Variants in SEL1L2 observed in about 807,000 individuals in gnomAD.
The protein encoded by SEL1L2 is SEL1L2 adaptor subunit of SYVN1 ubiquitin ligase.
A neutral mutation model predicts 98.8 loss-of-function variants in SEL1L2; 89 were observed. The ratio of observed to expected loss-of-function variants is 0.90; its 90% CI spans 0.76 to 1.07. SEL1L2 has a LOEUF of 1.07. SEL1L2 is among the 50% of genes least tolerant of loss of function. The pLI, the probability that SEL1L2 is intolerant of heterozygous loss-of-function variation, is 0.00. For synonymous variants in SEL1L2, 262 were observed against 278.5 expected, an observed-to-expected ratio of 0.94 and a Z score of 0.59; for missense variants, 788 against 812.0, an observed-to-expected ratio of 0.97 and a Z score of 0.36.
intron 1 of SEL1L2, among the ~76,000 whole-genome samples, chr20:13,968,337 T>C (rs1260645235): frequency 6.6e-6 from 1 of 152,244 alleles, no homozygotes; most frequent in East Asian, 1.9e-4. Flanking sequence ...AACAGCAACC[T>C]TGAAGGATAG....
chr20:13,860,070 G>A (rs1989854715), intron 17 of SEL1L2, among the ~76,000 whole-genome samples: 1 of 152,080 alleles, frequency 6.6e-6, no homozygotes, highest in Non-Finnish European at 1.5e-5. Context: ...ATTAACTCTT[G>A]GGAAGTTGGA....
At chr20:13,975,622 C>T (rs949673855) in intron 1 of SEL1L2, among the ~76,000 whole-genome samples, 1 of 152,194 alleles carries the variant, frequency 6.6e-6, no homozygotes, top group Admixed American at 6.5e-5. Context: ...TATAGCATTA[C>T]ATGTATGTTA....
chr20:13,985,758 T>G (rs1268549837), intron 1 of SEL1L2, among the ~76,000 whole-genome samples: 1 of 152,154 alleles, frequency 6.6e-6, no homozygotes, highest in Non-Finnish European at 1.5e-5. Context: ...TCACAGAACA[T>G]TTTTCATTAC....
At chr20:13,880,481 T>G (rs1052999704) in intron 10 of SEL1L2, among the ~76,000 whole-genome samples, 3 of 152,196 alleles carry the variant, frequency 2.0e-5, no homozygotes, top group Admixed American at 6.5e-5. Context: ...TTAATACTAT[T>G]GCTTCAACTA....
chr20:13,912,585 C>T (rs2148183439), intron 5 of SEL1L2, among the ~76,000 whole-genome samples: 1 of 152,284 alleles, frequency 6.6e-6, no homozygotes, highest in Admixed American at 6.5e-5. Context: ...GCATGAGCCA[C>T]CGCACCTGGC....
At chr20:13,896,825 C>T (rs1040878792) in intron 5 of SEL1L2, among the ~76,000 whole-genome samples, 1 of 152,152 alleles carries the variant, frequency 6.6e-6, no homozygotes, top group Non-Finnish European at 1.5e-5. Context: ...TTAAAATCCT[C>T]ATACTACTCA....
chr20:13,960,782 T>G (rs1050739712), intron 1 of SEL1L2, among the ~76,000 whole-genome samples: 2 of 152,124 alleles, frequency 1.3e-5, no homozygotes, highest in African/African-American at 4.8e-5. Flanking sequence ...AAAACCACAA[T>G]CTACCGGGTA....
At chr20:13,875,469 T>G (rs924568871) in intron 12 of SEL1L2, among the ~76,000 whole-genome samples, 10 of 152,216 alleles carry the variant, frequency 6.6e-5, no homozygotes, top group African/African-American at 2.2e-4. Flanking sequence ...GCTAAGTAAC[T>G]TGCCCTTGTT....
At chr20:13,901,866 T>G (rs2047699050) in intron 5 of SEL1L2, among the ~76,000 whole-genome samples, 1 of 152,078 alleles carries the variant, frequency 6.6e-6, no homozygotes, top group African/African-American at 2.4e-5. Context: ...TTTCACCATG[T>G]TGGCCAGGCT....
At chr20:13,938,538 C>T (rs2049572395) in intron 2 of SEL1L2, among the ~76,000 whole-genome samples, 2 of 152,212 alleles carry the variant, frequency 1.3e-5, no homozygotes, top group Non-Finnish European at 2.9e-5. Context: ...ACTTTGAGTA[C>T]ATGTTAACAT....
At chr20:13,991,153 C>G (rs925546800), upstream of SEL1L2, among the ~76,000 whole-genome samples, 2 of 152,122 alleles carry the variant, frequency 1.3e-5, no homozygotes, top group Admixed American at 6.5e-5. Flanking sequence ...ACAAGTGGTA[C>G]CTTCAAAGCT....
chr20:13,865,656 T>G lies in SEL1L2; in HGVS notation c.1405-142A>C, dbSNP rs116418584. ...CTAAAACATGGCTTTTGCAAATTAT[T>G]TAGGGTAAAGAGTTAATACCTTTTA... On this transcript the variant is annotated intron_variant, in intron 15 of 19. Coordinates refer to ENST00000284951, the MANE Select transcript of SEL1L2 (RefSeq NM_025229.2). The G allele has an allele frequency of 7.4e-4, 470 of 638,934 alleles. 5 individuals carry two copies. The African/African-American group carries it at 7.6e-3, about 10-fold the overall frequency. 39.6% of individuals were successfully genotyped at this position (638,934 alleles called of 1,614,324 possible). A position where few individuals can be genotyped will look rare whatever the true frequency, so the allele number is the denominator to read the frequency against.
chr20:13,855,049 CAAAAAAAA>C (rs71188190), intron 18 of SEL1L2, among the ~76,000 whole-genome samples: 2 of 81,118 alleles, frequency 2.5e-5, no homozygotes, highest in Non-Finnish European at 4.8e-5. Context: ...GACTCCGTCT[CAAAAAAAA>C]AAAAAAAAAA....
intron 12 of SEL1L2, among the ~76,000 whole-genome samples, chr20:13,873,758 CTTA>C (rs1264550519): frequency 6.6e-6 from 1 of 152,152 alleles, no homozygotes; most frequent in Non-Finnish European, 1.5e-5. Flanking sequence ...AATGCTCTTG[CTTA>C]GGTTAGCTGA....
chr20:13,920,972 A>G (rs1321098397), intron 3 of SEL1L2, among the ~76,000 whole-genome samples: 1 of 152,172 alleles, frequency 6.6e-6, no homozygotes, highest in Non-Finnish European at 1.5e-5. Context: ...TATACTTCTA[A>G]TTAAAGGGGG....
intron 5 of SEL1L2, among the ~76,000 whole-genome samples, chr20:13,904,536 C>A (rs1267716130): frequency 6.6e-6 from 1 of 151,832 alleles, no homozygotes; most frequent in Non-Finnish European, 1.5e-5. Context: ...TCAAAATAAA[C>A]AAACAAATAA....
At chr20:13,915,074 A>C in intron 4 of SEL1L2, 1 of 1,261,466 alleles carries the variant, frequency 7.9e-7, no homozygotes, top group Non-Finnish European at 1.0e-6. Context: ...AAAAAACCCC[A>C]TAAAAATCTA....
chr20:13,947,962 G>A (rs1012170172), intron 2 of SEL1L2, among the ~76,000 whole-genome samples: 16 of 152,192 alleles, frequency 1.1e-4, no homozygotes, highest in East Asian at 5.8e-4. Context: ...TGCTTGGCTC[G>A]CCCTTGGCAG....
chr20:13,902,282 T>C (rs2047717661), intron 5 of SEL1L2, among the ~76,000 whole-genome samples: 1 of 152,210 alleles, frequency 6.6e-6, no homozygotes, highest in Non-Finnish European at 1.5e-5. Context: ...AATTCTGTCA[T>C]TCCTTCTTCA....
Sources: gnomAD v4.1 joint callset for allele counts (sites outside exome capture counted in the v4.1 genomes callset) on GRCh38, gnomAD v4.1.1 for gene constraint, MANE v1.5 for transcripts, NCBI Gene and HGNC (gene_info 2026-07-23, HGNC 2026-07-21) for gene names.